Variants in TRADD observed in about 807,000 individuals in gnomAD.
TRADD encodes the protein tumor necrosis factor receptor type 1-associated DEATH domain protein.
TRADD carries 14 observed loss-of-function variants against 31.5 expected under a neutral mutation model. The ratio of observed to expected loss-of-function variants is 0.44; its 90% CI spans 0.29 to 0.69. The LOEUF (loss-of-function observed/expected upper bound fraction) is 0.69, where lower values mean the gene tolerates loss of function less well. Ranked by LOEUF, TRADD falls within the 30% of genes least tolerant of loss-of-function variation. The pLI, the probability that TRADD is intolerant of heterozygous loss-of-function variation, is 0.11. For synonymous variants in TRADD, 220 were observed against 215.8 expected (o/e 1.02, Z -0.17); for missense variants, 388 against 435.7 (o/e 0.89, Z 0.97).
At chr16:67,158,414 C>T (rs759998708) in intron 1 of TRADD, among the ~76,000 whole-genome samples, 41 of 152,220 alleles carry the variant, frequency 2.7e-4, no homozygotes, top group Admixed American at 1.8e-3. Flanking sequence ...GATCTGCCCA[C>T]CTCAGCTTCC....
rs1330869919 is a variant in TRADD at position 67,156,156 on chromosome 16, G to A, written c.151+354C>T. 4.4e-6 allele frequency: 6 copies of A among 1,373,470 alleles called. No individual in the cohort carries two copies. Among genetic ancestry groups the A allele is most frequent in the African/African-American group, 2.9e-5 (2 of 69,112 alleles). The allele number at this position is 1,373,470 out of a possible 1,614,324, so 85.1% of individuals were successfully genotyped here. A position where few individuals can be genotyped will look rare whatever the true frequency, so the allele number is the denominator to read the frequency against. Reference sequence around the variant, plus strand: ...CTCTGCCCTGAGATGGGAAAGGGGGGCCTGGAAGGGTAGGTACTGGGGAGG... The same window carrying A: ...CTCTGCCCTGAGATGGGAAAGGGGGACCTGGAAGGGTAGGTACTGGGGAGG... On this transcript the variant is annotated intron_variant, in intron 2 of 4. Transcript: ENST00000345057. This position sits in a 1 kb window ranked among gnomAD's most constrained non-coding sequence, Gnocchi z 4.6.
In TRADD at chr16:67,156,661, C is replaced by T. The variant is rs751678189; in HGVS notation, c.-1G>A. On this transcript the variant is annotated 5_prime_UTR_variant, in exon 2 of 5. Coordinates refer to ENST00000345057, the MANE Select transcript of TRADD (RefSeq NM_003789.4). The surrounding 1 kb of genome is among the most constrained non-coding windows in gnomAD (Gnocchi z 4.6). Reference sequence around the variant, plus strand: ...CGTGCCCATTTTGCCCAGCTGCCATCTCACCTCCTGGAGATGCAGACAGTC... The same window carrying T: ...CGTGCCCATTTTGCCCAGCTGCCATTTCACCTCCTGGAGATGCAGACAGTC... 32 of 1,613,904 alleles carry T rather than the reference C, an allele frequency of 2.0e-5. No individual in the cohort carries two copies. In the South Asian group the frequency reaches 3.4e-4, roughly 17 times the overall value.
At position 67,155,397 on chromosome 16, in the gene TRADD, T is replaced by C. The variant is rs772990401; in HGVS notation, c.409A>G (p.Ser137Gly). The change falls in exon 3 of 5, where the codon AGT becomes GGT. Residue 137 changes from serine (S) to glycine (G), a missense_variant. Physicochemically the swap from Ser to Gly is moderately conservative, Grantham distance 56. Transcript: ENST00000345057. ...ALLADEERCL[S>G]CILAQQPDRL... ...CGCACCTGCTGGGCTAGGATGCAAC[T>C]CAAACAGCGCTCCTCGTCCGCCAGC... The C allele has an allele frequency of 6.3e-7, 1 of 1,599,196 alleles. No homozygotes were observed. The highest frequency in any genetic ancestry group is 1.7e-5 in the Admixed American group (1 of 60,000).
chr16:67,154,484 C>G lies in TRADD; in HGVS notation c.*165G>C. 1.2e-6 allele frequency: 1 copy of G among 810,396 alleles called. No homozygotes were observed. 50.2% of individuals were successfully genotyped at this position (810,396 alleles called of 1,614,324 possible). A position where few individuals can be genotyped will look rare whatever the true frequency, so the allele number is the denominator to read the frequency against. On this transcript the variant is annotated 3_prime_UTR_variant, in exon 5 of 5. Coordinates refer to ENST00000345057, the MANE Select transcript of TRADD (RefSeq NM_003789.4). This position sits in a 1 kb window ranked among gnomAD's most constrained non-coding sequence, Gnocchi z 5.2. ...AGGCAGAATCCCCAATGATGCACCCCCAGTGGTCTGGCTCCTGGGGAAGGC... is the reference window on the plus strand; with the variant it reads ...AGGCAGAATCCCCAATGATGCACCCGCAGTGGTCTGGCTCCTGGGGAAGGC...
intron 1 of TRADD, among the ~76,000 whole-genome samples, chr16:67,157,093 CT>C (rs1370407690): frequency 2.0e-5 from 3 of 152,206 alleles, no homozygotes; most frequent in Admixed American, 2.0e-4. Flanking sequence ...ATATCCTGGC[CT>C]TGCCTTCTGA....
At chr16:67,155,689 C>G (rs2030666422) in intron 2 of TRADD, 35 bp from the exon 3 acceptor site, 4 of 1,537,014 alleles carry the variant, frequency 2.6e-6, no homozygotes, top group Non-Finnish European at 3.5e-6. Flanking sequence ...CGGGCGGTCC[C>G]CAAGCTCGGC....
chr16:67,158,783 G>A (rs1436626933), intron 1 of TRADD, among the ~76,000 whole-genome samples: 1 of 152,202 alleles, frequency 6.6e-6, no homozygotes, highest in Non-Finnish European at 1.5e-5. Flanking sequence ...GGTGAGATAA[G>A]GGGGGAGTCC....
In TRADD at chr16:67,155,374, C is replaced by G. The variant is rs1240225950; in HGVS notation, c.429+3G>C. The G allele has an allele frequency of 1.1e-5, 17 of 1,600,920 alleles. No homozygotes were observed. Among genetic ancestry groups the G allele is most frequent in the Non-Finnish European group, 1.4e-5 (17 of 1,179,800 alleles). On this transcript the variant is annotated splice_donor_region_variant and intron_variant, in intron 3 of 4. Coordinates refer to ENST00000345057, the MANE Select transcript of TRADD (RefSeq NM_003789.4). ...CCCCATCCTGACCCTAGCCCGGCCG[C>G]ACCTGCTGGGCTAGGATGCAACTCA...
rs2145906597 is a variant in TRADD at position 67,154,327 on chromosome 16, G to A, written c.*322C>T. 2.0e-6 allele frequency: 1 copy of A among 496,704 alleles called. No individual in the cohort carries two copies. Among genetic ancestry groups the A allele is most frequent in the East Asian group, 3.7e-5 (1 of 27,248 alleles). 30.8% of individuals were successfully genotyped at this position (496,704 alleles called of 1,614,324 possible). On this transcript the variant is annotated 3_prime_UTR_variant, in exon 5 of 5. Coordinates refer to ENST00000345057, the MANE Select transcript of TRADD (RefSeq NM_003789.4). The surrounding 1 kb of genome is among the most constrained non-coding windows in gnomAD (Gnocchi z 5.2). ...CTGCAGCACCCAGGATGAAGTCCAGGACACCAAAGATCAAGGTGCTTCATG... is the reference window on the plus strand; with the variant it reads ...CTGCAGCACCCAGGATGAAGTCCAGAACACCAAAGATCAAGGTGCTTCATG...
At chr16:67,155,038 C>T (rs2030617232) in intron 4 of TRADD, 58 bp downstream of exon 4, 2 of 1,550,590 alleles carry the variant, frequency 1.3e-6, no homozygotes, top group Admixed American at 3.9e-5. Context: ...GGCAACGACC[C>T]CTGCCCCTCC....
In TRADD at chr16:67,156,174, T is replaced by C. The variant is rs1026919289; in HGVS notation, c.151+336A>G. On this transcript the variant is annotated intron_variant, in intron 2 of 4. Transcript: ENST00000345057. The surrounding 1 kb of genome is among the most constrained non-coding windows in gnomAD (Gnocchi z 4.6). ...AAGGGGGGCCTGGAAGGGTAGGTAC[T>C]GGGGAGGGGTCTTGAGCAAGGAGTG... is the stretch of plus-strand genomic sequence containing the variant. 5 of 1,389,364 alleles carry C rather than the reference T, an allele frequency of 3.6e-6. No homozygotes were observed. The highest frequency in any genetic ancestry group is 4.7e-6 in the Non-Finnish European group (5 of 1,054,556). 86.1% of individuals were successfully genotyped at this position (1,389,364 alleles called of 1,614,324 possible).
In TRADD at chr16:67,159,342, CG is replaced by C. The variant is rs2145910550; in HGVS notation, c.-9+495del. On this transcript the variant is annotated intron_variant, in intron 1 of 4. Transcript: ENST00000345057. The surrounding 1 kb of genome is among the most constrained non-coding windows in gnomAD (Gnocchi z 6.8). ...GTGCCCCCTGAACACCTAACAGTCCCGGGGGCAGCCCCACCTCTGGCTGGGT... is the reference window on the plus strand; with the variant it reads ...GTGCCCCCTGAACACCTAACAGTCCCGGGGCAGCCCCACCTCTGGCTGGGT... 6.6e-6 allele frequency among the ~76,000 whole-genome samples: 1 copy of C among 152,308 alleles called. No individual in the cohort carries two copies. The highest frequency in any genetic ancestry group is 6.5e-5 in the Admixed American group (1 of 15,306).
chr16:67,154,821 T>A lies in TRADD; in HGVS notation c.767A>T (p.Tyr256Phe). The change falls in exon 5 of 5, where the codon TAC (tyrosine) becomes TTC (phenylalanine). Residue 256 changes from tyrosine to phenylalanine, a missense_variant. Coordinates refer to ENST00000345057, the MANE Select transcript of TRADD (RefSeq NM_003789.4). This position sits in a 1 kb window ranked among gnomAD's most constrained non-coding sequence, Gnocchi z 5.2. The part of the protein sequence containing the change: ...DPALDSLAYE[Y>F]EREGLYEQAF... Reference sequence around the variant, plus strand: ...CTGCTCGTACAGTCCCTCGCGCTCGTACTCGTAGGCCAGCGAGTCCAGCGC... The same window carrying A: ...CTGCTCGTACAGTCCCTCGCGCTCGAACTCGTAGGCCAGCGAGTCCAGCGC... 6.3e-7 allele frequency: 1 copy of A among 1,592,954 alleles called. No individual in the cohort carries two copies. Among genetic ancestry groups the A allele is most frequent in the South Asian group, 1.1e-5 (1 of 88,502 alleles).
Position 67,156,444 on chromosome 16 carries a change from C to A in TRADD, c.151+66G>T. The A allele has an allele frequency of 6.2e-7, 1 of 1,600,190 alleles. No individual in the cohort carries two copies. The highest frequency in any genetic ancestry group is 8.5e-7 in the Non-Finnish European group (1 of 1,179,292). On this transcript the variant is annotated intron_variant, in intron 2 of 4. Transcript: ENST00000345057. This position sits in a 1 kb window ranked among gnomAD's most constrained non-coding sequence, Gnocchi z 4.6. ...AATCTTCTTCTTAAAGGTGGCTAAA[C>A]CCAGGCCCACCCACAAAATGCTCCA...
chr16:67,155,070 A>AC, intron 4 of TRADD, 26 bp downstream of exon 4: 1 of 1,291,458 alleles, frequency 7.7e-7, no homozygotes, highest in Non-Finnish European at 1.0e-6. Context: ...CCTCCTGGTG[A>AC]CCCCGCCTCT....
At position 67,156,408 on chromosome 16, in the gene TRADD, CT is replaced by C. The variant is rs1359933931; in HGVS notation, c.151+101del. The stretch of plus-strand genomic sequence containing the variant: ...CAGCCAGGGGTCCTCCGTCTTGCTC[CT>C]CCCACCCCAAATCTTCTTCTTAAAG... On this transcript the variant is annotated intron_variant, in intron 2 of 4. Coordinates refer to ENST00000345057, the MANE Select transcript of TRADD (RefSeq NM_003789.4). The surrounding 1 kb of genome is among the most constrained non-coding windows in gnomAD (Gnocchi z 4.6). The C allele has an allele frequency of 1.5e-5, 24 of 1,565,200 alleles. No homozygotes were observed. The highest frequency in any genetic ancestry group is 2.0e-4 in the Middle Eastern group (1 of 4,900).
chr16:67,159,079 G>A lies in TRADD; in HGVS notation c.-9+759C>T, dbSNP rs915837444. ...CCAGGCTGGAGGTCGAGTTAACAGG[G>A]TAAAGAGGCCAGGGCCCTAGTTTCG... On this transcript the variant is annotated intron_variant, in intron 1 of 4. Coordinates refer to ENST00000345057, the MANE Select transcript of TRADD (RefSeq NM_003789.4). The surrounding 1 kb of genome is among the most constrained non-coding windows in gnomAD (Gnocchi z 6.8). 2.8e-4 allele frequency among the ~76,000 whole-genome samples: 43 copies of A among 152,232 alleles called. No individual in the cohort carries two copies. The highest frequency in any genetic ancestry group is 9.9e-4 in the African/African-American group (41 of 41,462).
chr16:67,157,532 A>C (rs2145909279), intron 1 of TRADD, among the ~76,000 whole-genome samples: 1 of 152,332 alleles, frequency 6.6e-6, no homozygotes, highest in Non-Finnish European at 1.5e-5. Context: ...ACAGAAAGAA[A>C]GAGTCAAGAG....
In TRADD at chr16:67,155,620, C is replaced by A. The variant is rs1324637078; in HGVS notation, c.186G>T (p.Leu62=). 14 of 1,557,498 alleles carry A rather than the reference C, an allele frequency of 9.0e-6. No individual in the cohort carries two copies. Among genetic ancestry groups the A allele is most frequent in the African/African-American group, 1.4e-5 (1 of 73,886 alleles). Residue 62 remains leucine (L), a synonymous_variant, in exon 3 of 5, where the codon CTG becomes CTT. Transcript: ENST00000345057. ...SGGSPDVLQM[L]KIHRSDPQLI... ...GCTGCGGGTCGCTGCGGTGGATCTT[C>A]AGCATCTGCAGCACGTCCGGGCTCC...
Sources: gnomAD v4.1 joint callset for allele counts (sites outside exome capture counted in the v4.1 genomes callset) on GRCh38, gnomAD v4.1.1 for gene constraint, Gnocchi (gnomAD v3.1) non-coding constraint, MANE v1.5 for transcripts, NCBI Gene and HGNC (gene_info 2026-07-23, HGNC 2026-07-21) for gene names.